Variants in RADIL observed in about 807,000 individuals in gnomAD.
The protein encoded by RADIL is ras-associating and dilute domain-containing protein.
RADIL carries 99 observed loss-of-function variants against 97.6 expected under a neutral mutation model. The ratio of observed to expected loss-of-function variants is 1.01; its 90% CI spans 0.86 to 1.20. RADIL has a LOEUF of 1.20. Among genes scored for constraint, RADIL ranks in the 50% most tolerant of loss-of-function variants. The pLI, the probability that RADIL is intolerant of heterozygous loss-of-function variation, is 0.00. For synonymous variants in RADIL, 803 were observed against 691.8 expected (o/e 1.16, Z -2.52); for missense variants, 1,765 against 1,498.9 (o/e 1.18, Z -2.93).
At chr7:4,830,258 G>A (rs1353147175) in intron 5 of RADIL, among the ~76,000 whole-genome samples, 1 of 152,212 alleles carries the variant, frequency 6.6e-6, no homozygotes, top group East Asian at 1.9e-4. Context: ...CCACCAGGAG[G>A]AGACATGTGG....
In RADIL at chr7:4,801,690, C is replaced by G; in HGVS notation, c.2805G>C (p.Arg935Ser). ...CACCCCGGAGGCCGCTGAGTCCGTTCCTCTGCCTCTCTGGGAGCGCTTTTC... is the reference window on the plus strand; with the variant it reads ...CACCCCGGAGGCCGCTGAGTCCGTTGCTCTGCCTCTCTGGGAGCGCTTTTC... Reference protein sequence around the residue: ...PCGKALPERQRNGLSGLRGAA... With the variant: ...PCGKALPERQSNGLSGLRGAA... Residue 935 changes from arginine (R) to serine (S), a missense_variant, in exon 12 of 15, where the codon AGG becomes AGC. By Grantham distance (110) the Arg-to-Ser change is moderately radical. Transcript: ENST00000399583. The G allele has an allele frequency of 3.1e-6, 5 of 1,608,486 alleles. No homozygotes were observed. Among genetic ancestry groups the G allele is most frequent in the Non-Finnish European group, 4.2e-6 (5 of 1,178,300 alleles).
intron 10 of RADIL, chr7:4,805,359 C>A: frequency 1.9e-6 from 1 of 523,620 alleles, no homozygotes; most frequent in Non-Finnish European, 3.1e-6. Context: ...GGCTCCTTGA[C>A]TCCCCCGCCG....
At chr7:4,865,822 A>G (rs1784119165) in intron 2 of RADIL, 2 of 754,638 alleles carry the variant, frequency 2.7e-6, no homozygotes. Flanking sequence ...GGAGGCAGAA[A>G]GGGAGGTGAG....
At chr7:4,858,371 C>T (rs1253304850) in intron 2 of RADIL, 1 of 152,182 alleles carries the variant, frequency 6.6e-6, no homozygotes, top group Admixed American at 6.6e-5. Flanking sequence ...ACATCTGTTG[C>T]CCCTCACATT....
intron 2 of RADIL, chr7:4,860,913 C>A (rs774929576): frequency 2.8e-5 from 46 of 1,614,082 alleles, no homozygotes; most frequent in Non-Finnish European, 3.9e-5. Flanking sequence ...GGGTCCCATA[C>A]AGGCAAATTA....
At position 4,859,908 on chromosome 7, in the gene RADIL, G is replaced by T. The variant is rs1041576287; in HGVS notation, c.535+17697C>A. 2.4e-5 allele frequency: 39 copies of T among 1,606,140 alleles called. No individual in the cohort carries two copies. In the East Asian group the frequency reaches 8.2e-4, roughly 34 times the overall value. ...CCTCTAGACTCCAACTATAGGATTA[G>T]ATATGTTTGTTGCTGAGTTTCCTGA... On this transcript the variant is annotated intron_variant, in intron 2 of 14. Coordinates refer to ENST00000399583, the MANE Select transcript of RADIL (RefSeq NM_018059.5).
chr7:4,861,241 T>C, intron 2 of RADIL: 1 of 1,614,120 alleles, frequency 6.2e-7, no homozygotes, highest in Non-Finnish European at 8.5e-7. Flanking sequence ...AATTTTTAAG[T>C]AGACTGTCAT....
chr7:4,801,844 T>A lies in RADIL; in HGVS notation c.2651A>T (p.Gln884Leu). 1 of 1,599,912 alleles carries A rather than the reference T, an allele frequency of 6.3e-7. No homozygotes were observed. The highest frequency in any genetic ancestry group is 8.5e-7 in the Non-Finnish European group (1 of 1,174,068). ...APWAQAPPGRQPSRGGSQAGP... is the reference protein window; with the variant it reads ...APWAQAPPGRLPSRGGSQAGP... The stretch of plus-strand genomic sequence containing the variant: ...AGCCTGGGAGCCCCCACGGCTGGGT[T>A]GCCTTCCAGGGGGGGCCTGTGCCCA... The change falls in exon 12 of 15, where the codon CAA becomes CTA. Residue 884 changes from glutamine to leucine, a missense_variant. Physicochemically the swap from Gln to Leu is moderately radical, Grantham distance 113 (BLOSUM62 -2). Coordinates refer to ENST00000399583, the MANE Select transcript of RADIL (RefSeq NM_018059.5).
In RADIL at chr7:4,879,162, C is replaced by G. The variant is rs370695340; in HGVS notation, c.-64-959G>C. On this transcript the variant is annotated intron_variant, in intron 1 of 14. Transcript: ENST00000399583. The surrounding 1 kb of genome is among the most constrained non-coding windows in gnomAD (Gnocchi z 4.1). ...CGGAATGCAGGCGTCCCGCCCACCACAGGCCGCGGGTGCCCGGCGCTCCAG... is the reference window on the plus strand; with the variant it reads ...CGGAATGCAGGCGTCCCGCCCACCAGAGGCCGCGGGTGCCCGGCGCTCCAG... Among the ~76,000 whole-genome samples the G allele has an allele frequency of 1.9e-3, 292 of 152,378 alleles. 1 individual carries two copies. Among genetic ancestry groups the G allele is most frequent in the African/African-American group, 6.7e-3 (278 of 41,594 alleles).
chr7:4,805,627 G>A lies in RADIL; in HGVS notation c.2229C>T (p.Ala743=), dbSNP rs1442069366. 2 of 1,611,758 alleles carry A rather than the reference G, an allele frequency of 1.2e-6. No individual in the cohort carries two copies. The highest frequency in any genetic ancestry group is 1.7e-6 in the Non-Finnish European group (2 of 1,179,844). Residue 743 remains alanine (A), a synonymous_variant, in exon 10 of 15, where the codon GCC becomes GCT. Coordinates refer to ENST00000399583, the MANE Select transcript of RADIL (RefSeq NM_018059.5). ...RLLTHYQLAS[A]MGPMSTWEPG... ...GCTCCCAGGTGCTCATGGGGCCCAT[G>A]GCCGAGGCCAGCTGGTAGTGAGTCA...
At chr7:4,802,655 C>T (rs1245455191) in intron 11 of RADIL, among the ~76,000 whole-genome samples, 2 of 112,166 alleles carry the variant, frequency 1.8e-5, no homozygotes, top group Non-Finnish European at 3.7e-5. Flanking sequence ...CCTCGGGGCA[C>T]TCTGGCTGGG....
In RADIL at chr7:4,878,098, C is replaced by G. The variant is rs531225138; in HGVS notation, c.42G>C (p.Lys14Asn). 1.6e-5 allele frequency: 25 copies of G among 1,587,952 alleles called. No individual in the cohort carries two copies. Among genetic ancestry groups the G allele is most frequent in the Non-Finnish European group, 2.1e-5 (25 of 1,168,264 alleles). ...GCTGGCTCTGCCGCTTCAGTTTGCT[C>G]TTGGTGGGCGGGGACATGATGAAGT... ...GTHFIMSPPT[K>N]SKLKRQSQLL... The change falls in exon 2 of 15, where the codon AAG (lysine) becomes AAC (asparagine). Residue 14 changes from lysine (K) to asparagine (N), a missense_variant. By Grantham distance (94) the Lys-to-Asn change is moderately conservative. Coordinates refer to ENST00000399583, the MANE Select transcript of RADIL (RefSeq NM_018059.5). The surrounding 1 kb of genome is among the most constrained non-coding windows in gnomAD (Gnocchi z 4.1).
rs1783249235 is a variant in RADIL at position 4,834,826 on chromosome 7, C to A, written c.1197G>T (p.Leu399=). The stretch of plus-strand genomic sequence containing the variant: ...CCAGGAGCAGCTGCTGGCGCCGGGG[C>A]AGGGCGGCCTGAGTAGGGGAGGCGG... ...RGAASPTQAA[L]PRRQQLLLEF... The change falls in exon 4 of 15, where the codon CTG becomes CTT. Residue 399 remains leucine (L), a synonymous_variant. Transcript: ENST00000399583. The surrounding 1 kb of genome is among the most constrained non-coding windows in gnomAD (Gnocchi z 6.0). The A allele has an allele frequency of 7.6e-7, 1 of 1,316,580 alleles. No individual in the cohort carries two copies. The highest frequency in any genetic ancestry group is 3.1e-5 in the East Asian group (1 of 32,318). 81.6% of individuals were successfully genotyped at this position (1,316,580 alleles called of 1,614,324 possible).
intron 9 of RADIL, chr7:4,809,380 G>C (rs1362885615): frequency 5.1e-6 from 5 of 985,300 alleles, no homozygotes; most frequent in African/African-American, 3.5e-5. Context: ...GCTGAGCGGG[G>C]GGAGGCGGAG....
At chr7:4,838,161 G>T in intron 2 of RADIL, 6 of 653,442 alleles carry the variant, frequency 9.2e-6, no homozygotes, top group Non-Finnish European at 1.1e-5. Context: ...TGCAGAACCC[G>T]GCCCAGCCTG....
rs56177809 is a variant in RADIL, at chr7:4,847,739, C to CAAAAAAAAAAAAAAAAAAAAAAAAAAA, written c.536-11161_536-11135dup. Among the ~76,000 whole-genome samples the CAAAAAAAAAAAAAAAAAAAAAAAAAAA allele has an allele frequency of 2.9e-4, 7 of 23,794 alleles. 1 individual carries two copies. Among genetic ancestry groups the CAAAAAAAAAAAAAAAAAAAAAAAAAAA allele is most frequent in the Admixed American group, 7.7e-4 (1 of 1,296 alleles). 15.6% of individuals were successfully genotyped at this position (23,794 alleles called of 152,430 possible). A position where few individuals can be genotyped will look rare whatever the true frequency, so the allele number is the denominator to read the frequency against. Reference sequence around the variant, plus strand: ...TATGCTACGTGAAAAAAGCTAGATGCAAAAAAAAAAAAAAAAAAAAAAAAA... The same window carrying CAAAAAAAAAAAAAAAAAAAAAAAAAAA: ...TATGCTACGTGAAAAAAGCTAGATGCAAAAAAAAAAAAAAAAAAAAAAAAAAAAAAAAAAAAAAAAAAAAAAAAAAAA... On this transcript the variant is annotated intron_variant, in intron 2 of 14. Coordinates refer to ENST00000399583, the MANE Select transcript of RADIL (RefSeq NM_018059.5).
chr7:4,836,747 G>T, intron 2 of RADIL, 142 bp from the exon 3 acceptor site: 1 of 1,101,926 alleles, frequency 9.1e-7, no homozygotes. Flanking sequence ...AGACCAGCCT[G>T]GCCAACACAG....
chr7:4,856,241 C>T (rs1240271530), intron 2 of RADIL, among the ~76,000 whole-genome samples: 1 of 151,992 alleles, frequency 6.6e-6, no homozygotes, highest in African/African-American at 2.4e-5. Flanking sequence ...CAGGTACATG[C>T]TGGGACTACA....
In RADIL at chr7:4,872,705, T is replaced by A. The variant is rs1056376453; in HGVS notation, c.535+4900A>T. 6.6e-6 allele frequency among the ~76,000 whole-genome samples: 1 copy of A among 152,124 alleles called. No individual in the cohort carries two copies. The highest frequency in any genetic ancestry group is 1.5e-5 in the Non-Finnish European group (1 of 68,020). ...GAAATCAGGGGGAACCTGGTGGCTA[T>A]GAGAAGGAGACATTTATGGAAAACA... On this transcript the variant is annotated intron_variant, in intron 2 of 14. Transcript: ENST00000399583. The surrounding 1 kb of genome is among the most constrained non-coding windows in gnomAD (Gnocchi z 5.8).
Sources: gnomAD v4.1 joint callset for allele counts (sites outside exome capture counted in the v4.1 genomes callset) on GRCh38, gnomAD v4.1.1 for gene constraint, Gnocchi (gnomAD v3.1) non-coding constraint, MANE v1.5 for transcripts, NCBI Gene and HGNC (gene_info 2026-07-23, HGNC 2026-07-21) for gene names.